The following CTNND2 variants were observed in gnomAD, a reference collection of about 807,000 sequenced individuals.
The protein encoded by CTNND2 is catenin delta 2, also known as catenin delta-2.
In CTNND2, 22 loss-of-function variants were observed where a neutral mutation model predicts 144.4. The observed-to-expected ratio is 0.15, with a 90% CI of 0.11 to 0.22. The LOEUF (loss-of-function observed/expected upper bound fraction) is 0.22. CTNND2 is among the 10% of genes least tolerant of loss of function. The probability of loss-of-function intolerance (pLI) is 1.00; values close to 1 mark genes in which losing one functional copy is unlikely to be tolerated. For missense variants in CTNND2, 1,353 were observed against 1,618.8 expected (o/e 0.84, Z 2.82); for synonymous variants, 751 against 695.6 (o/e 1.08, Z -1.25).
chr5:11,138,604 C>A (rs1211444864), intron 12 of CTNND2, among the ~76,000 whole-genome samples: 1 of 152,168 alleles, frequency 6.6e-6, no homozygotes, highest in Non-Finnish European at 1.5e-5. Context: ...AGCTTGATAC[C>A]TTGTCGGGTC....
At chr5:11,267,849 T>G (rs1745612584) in intron 9 of CTNND2, among the ~76,000 whole-genome samples, 1 of 152,206 alleles carries the variant, frequency 6.6e-6, no homozygotes, top group Non-Finnish European at 1.5e-5. Flanking sequence ...GCATTTTGCC[T>G]CCTCTGAATT....
rs543803815 is a variant in CTNND2 at position 11,830,586 on chromosome 5, A to C, written c.37+73231T>G. Among the ~76,000 whole-genome samples, 131 of 152,298 alleles carry C rather than the reference A, an allele frequency of 8.6e-4. 1 individual carries two copies. The highest frequency in any genetic ancestry group is 5.9e-3 in the Admixed American group (90 of 15,290). On this transcript the variant is annotated intron_variant, in intron 1 of 21. Coordinates refer to ENST00000304623, the MANE Select transcript of CTNND2 (RefSeq NM_001332.4). ...GGCCTCACCAGCCATGTGGAACTGTAAGTCCATTAAACTCTTTTTCTTGTA... is the reference window on the plus strand; with the variant it reads ...GGCCTCACCAGCCATGTGGAACTGTCAGTCCATTAAACTCTTTTTCTTGTA...
chr5:11,247,963 C>T (rs1484519567), intron 9 of CTNND2, among the ~76,000 whole-genome samples: 1 of 152,044 alleles, frequency 6.6e-6, no homozygotes, highest in Admixed American at 6.6e-5. Flanking sequence ...AATTTAGTTG[C>T]CCTGGAAATT....
intron 10 of CTNND2, among the ~76,000 whole-genome samples, chr5:11,225,776 C>T (rs1740268510): frequency 6.6e-6 from 1 of 152,170 alleles, no homozygotes; most frequent in African/African-American, 2.4e-5. Context: ...GGTTGAATAT[C>T]GTCCCCCACA....
chr5:11,290,334 G>A (rs758563987), intron 9 of CTNND2, among the ~76,000 whole-genome samples: 1 of 152,118 alleles, frequency 6.6e-6, no homozygotes, highest in Non-Finnish European at 1.5e-5. Context: ...GGTACCTGAC[G>A]GGATGCTCAT....
At chr5:11,428,905 C>T (rs910455263) in intron 3 of CTNND2, among the ~76,000 whole-genome samples, 16 of 152,238 alleles carry the variant, frequency 1.1e-4, no homozygotes, top group African/African-American at 3.1e-4. Flanking sequence ...CCTTTGTCCT[C>T]ATCCTGTATA....
chr5:11,210,101 A>G (rs1467918852), intron 10 of CTNND2, among the ~76,000 whole-genome samples: 2 of 152,108 alleles, frequency 1.3e-5, no homozygotes, highest in African/African-American at 4.8e-5. Context: ...AGTTTTATAG[A>G]GATAATTTAA....
At chr5:11,775,474 C>G (rs998637047) in intron 1 of CTNND2, among the ~76,000 whole-genome samples, 1 of 152,200 alleles carries the variant, frequency 6.6e-6, no homozygotes, top group Non-Finnish European at 1.5e-5. Flanking sequence ...TCTAGCATGT[C>G]CCCCCATTGC....
chr5:11,069,141 G>C (rs970952145), intron 16 of CTNND2, among the ~76,000 whole-genome samples: 7 of 152,206 alleles, frequency 4.6e-5, no homozygotes, highest in African/African-American at 1.7e-4. Flanking sequence ...TAAAAATAGA[G>C]AAAGGTATTG....
At chr5:11,823,805 A>G (rs1793451209) in intron 1 of CTNND2, among the ~76,000 whole-genome samples, 1 of 152,162 alleles carries the variant, frequency 6.6e-6, no homozygotes, top group African/African-American at 2.4e-5. Flanking sequence ...AATAAAAAGT[A>G]TAATATAAAA....
At chr5:11,870,389 T>C (rs1442647882) in intron 1 of CTNND2, among the ~76,000 whole-genome samples, 1 of 152,222 alleles carries the variant, frequency 6.6e-6, no homozygotes, top group Non-Finnish European at 1.5e-5. Flanking sequence ...GTCAGCTACA[T>C]GAAAGCTGAG....
At chr5:11,029,686 GA>G (rs1175897515) in intron 16 of CTNND2, among the ~76,000 whole-genome samples, 11 of 152,064 alleles carry the variant, frequency 7.2e-5, no homozygotes, top group African/African-American at 2.4e-4. Context: ...TAATTATGTA[GA>G]AAAAAATGTG....
In CTNND2 at chr5:11,857,120, T is replaced by C. The variant is rs187163794; in HGVS notation, c.37+46697A>G. Among the ~76,000 whole-genome samples the C allele has an allele frequency of 3.5e-3, 527 of 152,292 alleles. 1 individual carries two copies. Among genetic ancestry groups the C allele is most frequent in the Non-Finnish European group, 5.6e-3 (378 of 68,026 alleles). ...ATCAGGATTAGATTCCTAAATTATA[T>C]AGTCCATACTAAATAATATAAACAT... is the stretch of plus-strand genomic sequence containing the variant. On this transcript the variant is annotated intron_variant, in intron 1 of 21. Coordinates refer to ENST00000304623, the MANE Select transcript of CTNND2 (RefSeq NM_001332.4).
At chr5:11,230,683 T>C (rs1740903994) in intron 10 of CTNND2, among the ~76,000 whole-genome samples, 1 of 152,220 alleles carries the variant, frequency 6.6e-6, no homozygotes, top group Non-Finnish European at 1.5e-5. Context: ...CCTCACTTTA[T>C]TCCTTCTCCT....
At chr5:11,697,426 T>C (rs1286884274) in intron 2 of CTNND2, among the ~76,000 whole-genome samples, 7 of 152,232 alleles carry the variant, frequency 4.6e-5, no homozygotes, top group African/African-American at 1.2e-4. Context: ...TTGATATTCA[T>C]TGTTATGGCA....
At chr5:11,828,247 C>T (rs551203783) in intron 1 of CTNND2, among the ~76,000 whole-genome samples, 4 of 152,186 alleles carry the variant, frequency 2.6e-5, no homozygotes, top group South Asian at 2.1e-4. Flanking sequence ...GGGAGTTTCC[C>T]GGCCGGGCAT....
intron 16 of CTNND2, among the ~76,000 whole-genome samples, chr5:11,069,947 T>C (rs1455277077): frequency 1.3e-5 from 2 of 152,172 alleles, no homozygotes; most frequent in African/African-American, 4.8e-5. Flanking sequence ...ATGCATTAGA[T>C]TATCTCAGCC....
chr5:10,986,273 T>C (rs567966502), intron 20 of CTNND2, among the ~76,000 whole-genome samples: 3 of 152,354 alleles, frequency 2.0e-5, no homozygotes, highest in South Asian at 4.1e-4. Flanking sequence ...TTATGTGCCA[T>C]TGGAACTGTT....
At chr5:11,481,236 G>C (rs1289397999) in intron 3 of CTNND2, among the ~76,000 whole-genome samples, 1 of 152,032 alleles carries the variant, frequency 6.6e-6, no homozygotes, top group East Asian at 1.9e-4. Context: ...TGCTCCTCAT[G>C]GATTGTTTTC....
Sources: gnomAD v4.1 joint callset for allele counts (sites outside exome capture counted in the v4.1 genomes callset) on GRCh38, gnomAD v4.1.1 for gene constraint, MANE v1.5 for transcripts, NCBI Gene and HGNC (gene_info 2026-07-23, HGNC 2026-07-21) for gene names.